The following NDUFAF2 variants were observed in gnomAD, a reference collection of about 807,000 sequenced individuals.
The protein encoded by NDUFAF2 is NADH dehydrogenase [ubiquinone] 1 alpha subcomplex assembly factor 2.
Under a neutral mutation model 22.8 loss-of-function variants are expected in NDUFAF2, and 13 were observed. That is an observed-to-expected ratio of 0.57 (90% CI 0.37 to 0.91). NDUFAF2 has a LOEUF of 0.91. Ranked by LOEUF, NDUFAF2 falls within the 40% of genes least tolerant of loss-of-function variation. NDUFAF2 has a pLI of 0.01. For missense variants in NDUFAF2, 162 were observed against 195.2 expected (o/e 0.83, Z 1.01); for synonymous variants, 53 against 64.2 (o/e 0.83, Z 0.84).
intron 1 of NDUFAF2, among the ~76,000 whole-genome samples, chr5:61,029,025 CCA>C (rs1751691302): frequency 6.6e-6 from 1 of 151,584 alleles, no homozygotes; most frequent in East Asian, 2.0e-4. Context: ...ACTGTACAGA[CCA>C]CTTTTCAGCA....
chr5:60,996,498 T>C (rs1751230638), intron 1 of NDUFAF2, among the ~76,000 whole-genome samples: 1 of 152,056 alleles, frequency 6.6e-6, no homozygotes, highest in African/African-American at 2.4e-5. Context: ...GGGAGCTGTG[T>C]AGCATGGGGT....
chr5:61,125,438 AG>A (rs890153558), intron 3 of NDUFAF2, among the ~76,000 whole-genome samples: 5 of 151,982 alleles, frequency 3.3e-5, no homozygotes, highest in African/African-American at 1.2e-4. Flanking sequence ...GGCATGTGTA[AG>A]GGGGAGTGTT....
intron 2 of NDUFAF2, among the ~76,000 whole-genome samples, chr5:61,073,432 A>G (rs1752326833): frequency 6.6e-6 from 1 of 152,222 alleles, no homozygotes; most frequent in South Asian, 2.1e-4. Context: ...AAGAACTATT[A>G]AGCATTATCA....
intron 1 of NDUFAF2, among the ~76,000 whole-genome samples, chr5:61,039,158 A>AG (rs1430525604): frequency 1.6e-4 from 24 of 151,902 alleles, no homozygotes; most frequent in Admixed American, 1.4e-3. Flanking sequence ...AAAAAAAAAA[A>AG]AAAGTCTTGG....
At chr5:60,969,660 C>T (rs1173759260) in intron 1 of NDUFAF2, among the ~76,000 whole-genome samples, 1 of 151,986 alleles carries the variant, frequency 6.6e-6, no homozygotes, top group Non-Finnish European at 1.5e-5. Context: ...ATATTTTTCA[C>T]CCATTCTGTG....
intron 1 of NDUFAF2, among the ~76,000 whole-genome samples, chr5:61,004,946 T>G: frequency 1.8e-5 from 1 of 56,764 alleles, no homozygotes; most frequent in Admixed American, 1.9e-4. Flanking sequence ...TTTATTTTTC[T>G]TATTATTATA....
At chr5:61,150,765 T>C (rs1376350896) in intron 3 of NDUFAF2, among the ~76,000 whole-genome samples, 1 of 152,198 alleles carries the variant, frequency 6.6e-6, no homozygotes, top group Non-Finnish European at 1.5e-5. Flanking sequence ...TCCTGAACTT[T>C]TCATTCCGCT....
chr5:60,998,097 A>G (rs1014039825), intron 1 of NDUFAF2, among the ~76,000 whole-genome samples: 1 of 152,182 alleles, frequency 6.6e-6, no homozygotes, highest in Non-Finnish European at 1.5e-5. Flanking sequence ...ATTTGTAGGT[A>G]CTGTTTAAAT....
At chr5:61,006,591 A>G (rs1034822501) in intron 1 of NDUFAF2, among the ~76,000 whole-genome samples, 2 of 152,094 alleles carry the variant, frequency 1.3e-5, no homozygotes, top group Admixed American at 1.3e-4. Context: ...ATGTTCTTCC[A>G]TTTGTTTGTA....
At chr5:60,998,364 A>T (rs1387363887) in intron 1 of NDUFAF2, among the ~76,000 whole-genome samples, 1 of 152,104 alleles carries the variant, frequency 6.6e-6, no homozygotes. Flanking sequence ...GGTATGTGAA[A>T]CCTCCAAATA....
intron 2 of NDUFAF2, among the ~76,000 whole-genome samples, chr5:61,082,765 C>G (rs935665760): frequency 6.6e-6 from 1 of 152,158 alleles, no homozygotes; most frequent in Non-Finnish European, 1.5e-5. Flanking sequence ...TTTATCCAGT[C>G]TACAATTGAT....
chr5:61,057,106 G>T (rs1267563835), intron 1 of NDUFAF2, among the ~76,000 whole-genome samples: 2 of 151,440 alleles, frequency 1.3e-5, no homozygotes, highest in African/African-American at 4.9e-5. Flanking sequence ...CTCCAGTGAA[G>T]GCCTGCTTGC....
intron 1 of NDUFAF2, among the ~76,000 whole-genome samples, chr5:61,036,833 CT>C (rs1402020226): frequency 6.6e-6 from 1 of 152,128 alleles, no homozygotes; most frequent in Non-Finnish European, 1.5e-5. Context: ...TGTTACTGTC[CT>C]TCTGGTCTCC....
chr5:60,959,839 ATACT>A (rs1473855186), intron 1 of NDUFAF2, among the ~76,000 whole-genome samples: 2 of 152,118 alleles, frequency 1.3e-5, no homozygotes, highest in African/African-American at 4.8e-5. Flanking sequence ...ACTATTTCAA[ATACT>A]TACTGAATTC....
chr5:61,042,585 G>T (rs1017100509), intron 1 of NDUFAF2, among the ~76,000 whole-genome samples: 4 of 152,152 alleles, frequency 2.6e-5, no homozygotes, highest in African/African-American at 7.2e-5. Context: ...GGGACTGCAT[G>T]AGGGAGTTTT....
At chr5:61,075,272 A>G (rs2111734991) in intron 2 of NDUFAF2, among the ~76,000 whole-genome samples, 1 of 152,318 alleles carries the variant, frequency 6.6e-6, no homozygotes, top group South Asian at 2.1e-4. Context: ...TTATGCCAGC[A>G]TGTGAATGTA....
chr5:61,073,385 G>A (rs1285177699), intron 2 of NDUFAF2, among the ~76,000 whole-genome samples, 171 bp downstream of exon 2: 2 of 152,164 alleles, frequency 1.3e-5, no homozygotes, highest in East Asian at 3.8e-4. Context: ...AGTTGTGAAG[G>A]TGCTGAATTT....
At chr5:61,029,017 T>C (rs1751691118) in intron 1 of NDUFAF2, among the ~76,000 whole-genome samples, 1 of 151,438 alleles carries the variant, frequency 6.6e-6, no homozygotes, top group South Asian at 2.1e-4. Context: ...CTTATAAAAC[T>C]GTACAGACCA....
chr5:61,128,800 G>A (rs1209461805), intron 3 of NDUFAF2, among the ~76,000 whole-genome samples: 1 of 151,990 alleles, frequency 6.6e-6, no homozygotes, highest in Non-Finnish European at 1.5e-5. Context: ...TTGACAAATG[G>A]GATCTAATTA....
Sources: allele counts gnomAD v4.1 joint callset (sites outside exome capture counted in the v4.1 genomes callset), GRCh38; gene constraint gnomAD v4.1.1; transcripts MANE v1.5; gene names NCBI Gene and HGNC (gene_info 2026-07-23, HGNC 2026-07-21).